The following TM7SF2 variants were observed in gnomAD, a reference collection of about 807,000 sequenced individuals.
TM7SF2 encodes the protein delta(14)-sterol reductase TM7SF2.
A neutral mutation model predicts 51.0 loss-of-function variants in TM7SF2; 51 were observed. The ratio of observed to expected loss-of-function variants is 1.00; its 90% confidence interval spans 0.80 to 1.26. TM7SF2 has a LOEUF of 1.26. TM7SF2 is among the 50% of genes most tolerant of loss of function. TM7SF2 has a pLI of 0.00. For missense variants in TM7SF2, 541 were observed against 547.4 expected (o/e 0.99, Z 0.12); for synonymous variants, 255 against 241.0 (o/e 1.06, Z -0.54).
At chr11:65,115,763 G>A (rs1374272300) in intron 9 of TM7SF2, 130 bp from the exon 10 acceptor site, 4 of 1,569,856 alleles carry the variant, frequency 2.5e-6, no homozygotes, top group South Asian at 1.1e-5. Flanking sequence ...AGTACCGTGT[G>A]CTTTGCTGCA....
At position 65,113,583 on chromosome 11, in the gene TM7SF2, C is replaced by T. The variant is rs755657150; in HGVS notation, c.592C>T (p.Leu198Phe). 8 of 1,614,002 alleles carry T rather than the reference C, an allele frequency of 5.0e-6. No homozygotes were observed. The South Asian group carries it at 6.6e-5, about 13-fold the overall frequency. ...FKYFCELRPGLIGWVLINLAL... is the reference protein window; with the variant it reads ...FKYFCELRPGFIGWVLINLAL... ...ATATTTCTGTGAACTGCGACCCGGC[C>T]TCATCGGCTGGGTATGTTGGGCTTG... Residue 198 changes from leucine (L) to phenylalanine (F), a missense_variant, in exon 5 of 10, where the codon CTC (leucine) becomes TTC (phenylalanine). Physicochemically the swap from Leu to Phe is conservative, Grantham distance 22. Coordinates refer to ENST00000279263, the MANE Select transcript of TM7SF2 (RefSeq NM_003273.6).
Position 65,112,704 on chromosome 11 carries a change from C to G in TM7SF2, c.242C>G (p.Ala81Gly), listed in dbSNP as rs544392611. The change falls in exon 2 of 10, where the codon GCG (alanine) becomes GGG (glycine). Residue 81 changes from alanine (A) to glycine (G), a missense_variant. By Grantham distance (60) the Ala-to-Gly change is moderately conservative. Coordinates refer to ENST00000279263, the MANE Select transcript of TM7SF2 (RefSeq NM_003273.6). ...GLQAALYLLP[A>G]RKVAEGQELK... is the part of the protein sequence containing the mutation. ...CAGGCGGCGCTCTACCTACTGCCGG[C>G]GCGCAAGGTGCGGGCCCCGCTCGCG... 2 of 1,544,976 alleles carry G rather than the reference C, an allele frequency of 1.3e-6. No individual in the cohort carries two copies. The highest frequency in any genetic ancestry group is 2.4e-5 in the South Asian group (2 of 83,772).
At chr11:65,112,105 A>C in intron 1 of TM7SF2, 38 bp downstream of exon 1, 2 of 1,572,662 alleles carry the variant, frequency 1.3e-6, no homozygotes, top group Non-Finnish European at 1.7e-6. Context: ...GGCAAAGGCT[A>C]AGCGAAGGAG....
chr11:65,113,023 G>C, intron 3 of TM7SF2, 158 bp downstream of exon 3: 1 of 1,071,482 alleles, frequency 9.3e-7, no homozygotes, highest in South Asian at 1.6e-5. Context: ...TATGCCCCTC[G>C]TCCCCACAGC....
At chr11:65,112,170 G>A in intron 1 of TM7SF2, 103 bp downstream of exon 1, 1 of 1,262,844 alleles carries the variant, frequency 7.9e-7, no homozygotes, top group Non-Finnish European at 1.1e-6. Flanking sequence ...GAAGGCTTTG[G>A]GGGTGTCGGA....
Position 65,115,605 on chromosome 11 carries a change from G to A in TM7SF2, c.1096+7G>A, listed in dbSNP as rs369303488. On this transcript the variant is annotated splice_region_variant and intron_variant, in intron 9 of 9. Transcript: ENST00000279263. ...GCTTGGTCCTTGCCCTGCGGTGAGTGGCCCATGTGGATATGGGTAGGGACA... is the reference window on the plus strand; with the variant it reads ...GCTTGGTCCTTGCCCTGCGGTGAGTAGCCCATGTGGATATGGGTAGGGACA... The A allele has an allele frequency of 3.3e-4, 538 of 1,613,752 alleles. No individual in the cohort carries two copies. Among genetic ancestry groups the A allele is most frequent in the Non-Finnish European group, 4.4e-4 (524 of 1,179,920 alleles).
Position 65,112,585 on chromosome 11 carries a change from C to G in TM7SF2, c.123C>G (p.Pro41=), listed in dbSNP as rs1458302740. 4 of 1,518,980 alleles carry G rather than the reference C, an allele frequency of 2.6e-6. No individual in the cohort carries two copies. The South Asian group carries it at 3.6e-5, about 14-fold the overall frequency. The allele number at this position is 1,518,980 out of a possible 1,614,324, so 94.1% of individuals were successfully genotyped here. A position where few individuals can be genotyped will look rare whatever the true frequency, so the allele number is the denominator to read the frequency against. The change falls in exon 2 of 10, where the codon CCC becomes CCG. Residue 41 remains proline, a synonymous_variant. Coordinates refer to ENST00000279263, the MANE Select transcript of TM7SF2 (RefSeq NM_003273.6). The part of the protein sequence containing the change: ...FHLLLAARSG[P]ARLLGPPASL... Reference sequence around the variant, plus strand: ...TGCTCCTGGCGGCCCGTTCGGGCCCCGCGCGCCTGCTGGGTCCACCCGCGT... The same window carrying G: ...TGCTCCTGGCGGCCCGTTCGGGCCCGGCGCGCCTGCTGGGTCCACCCGCGT...
chr11:65,113,962 T>G (rs1465917041), intron 5 of TM7SF2, among the ~76,000 whole-genome samples: 1 of 152,182 alleles, frequency 6.6e-6, no homozygotes, highest in African/African-American at 2.4e-5. Flanking sequence ...GTGCAGAACC[T>G]GAAATTGATC....
Position 65,112,047 on chromosome 11 carries a change from T to G in TM7SF2, c.32T>G (p.Leu11Arg). Residue 11 changes from leucine (L) to arginine (R), a missense_variant, in exon 1 of 10, where the codon CTG (leucine) becomes CGG (arginine). By Grantham distance (102) the Leu-to-Arg change is moderately radical. Transcript: ENST00000279263. The stretch of plus-strand genomic sequence containing the variant: ...CCCACTCAGGGCCCCCGGGCCCCGC[T>G]GGAATTCGGAGGGCCCCTGGGTAAT... MAPTQGPRAPLEFGGPLGAAA... is the reference protein window; with the variant it reads MAPTQGPRAPREFGGPLGAAA... The G allele has an allele frequency of 6.3e-7, 1 of 1,596,428 alleles. No homozygotes were observed. Among genetic ancestry groups the G allele is most frequent in the Non-Finnish European group, 8.5e-7 (1 of 1,173,490 alleles).
rs1947981709 is a variant in TM7SF2 at position 65,116,123 on chromosome 11, C to T, written c.*70C>T. On this transcript the variant is annotated 3_prime_UTR_variant, in exon 10 of 10. Coordinates refer to ENST00000279263, the MANE Select transcript of TM7SF2 (RefSeq NM_003273.6). ...CCAGCACACCCAGGACCAGGAGCCT[C>T]GACACACTTGGGACTCAAGGGCTTG... The T allele has an allele frequency of 1.3e-6, 2 of 1,545,544 alleles. No individual in the cohort carries two copies. The highest frequency in any genetic ancestry group is 4.6e-5 in the East Asian group (2 of 43,284).
At position 65,112,604 on chromosome 11, in the gene TM7SF2, C is replaced by T. The variant is rs1471658328; in HGVS notation, c.142C>T (p.Pro48Ser). ...RSGPARLLGP[P>S]ASLPGLEVLW... Reference sequence around the variant, plus strand: ...GGGCCCCGCGCGCCTGCTGGGTCCACCCGCGTCCCTGCCGGGGCTGGAGGT... The same window carrying T: ...GGGCCCCGCGCGCCTGCTGGGTCCATCCGCGTCCCTGCCGGGGCTGGAGGT... Residue 48 changes from proline (P) to serine (S), a missense_variant, in exon 2 of 10, where the codon CCC becomes TCC. Physicochemically the swap from Pro to Ser is moderately conservative, Grantham distance 74. Coordinates refer to ENST00000279263, the MANE Select transcript of TM7SF2 (RefSeq NM_003273.6). The T allele has an allele frequency of 6.6e-7, 1 of 1,519,288 alleles. No individual in the cohort carries two copies. Among genetic ancestry groups the T allele is most frequent in the Non-Finnish European group, 8.8e-7 (1 of 1,139,576 alleles). The allele number at this position is 1,519,288 out of a possible 1,614,324, so 94.1% of individuals were successfully genotyped here.
chr11:65,111,990 CCTCT>C lies in TM7SF2; in HGVS notation c.-20_-17del, dbSNP rs879716637. ...TTCCTTGACTGACTATTGTGAGCGC[CCTCT>C]CTCTCCGGCGGAGCGGAGACCATGG... On this transcript the variant is annotated 5_prime_UTR_variant, in exon 1 of 10. Transcript: ENST00000279263. 7.6e-6 allele frequency: 12 copies of C among 1,571,728 alleles called. No homozygotes were observed. The highest frequency in any genetic ancestry group is 7.6e-5 in the Admixed American group (4 of 52,406).
intron 5 of TM7SF2, 54 bp downstream of exon 5, chr11:65,113,648 T>C: frequency 6.7e-7 from 1 of 1,489,356 alleles, no homozygotes; most frequent in Non-Finnish European, 9.3e-7. Context: ...TTAGGGTGGG[T>C]GAGCAGCGCT....
At chr11:65,112,745 G>T in intron 2 of TM7SF2, 34 bp downstream of exon 2, 1 of 1,549,276 alleles carries the variant, frequency 6.5e-7, no homozygotes. Flanking sequence ...TCGGGGGAGG[G>T]AAGCGAATGG....
At chr11:65,115,248 A>C (rs1217177263) in intron 7 of TM7SF2, 66 bp from the exon 8 acceptor site, 1 of 1,599,918 alleles carries the variant, frequency 6.3e-7, no homozygotes, top group Non-Finnish European at 8.6e-7. Context: ...AGTTGGGCAG[A>C]TGTTCGGGGT....
In TM7SF2 at chr11:65,114,844, C is replaced by A; in HGVS notation, c.723+12C>A. On this transcript the variant is annotated intron_variant, in intron 6 of 9. Transcript: ENST00000279263. ...CCCTCTGGCACGAGGTGAGGCTGGA[C>A]TGGACGAGGGTGGGTGTCTGAGGGC... 1 of 1,614,212 alleles carries A rather than the reference C, an allele frequency of 6.2e-7. No homozygotes were observed. The highest frequency in any genetic ancestry group is 2.2e-5 in the East Asian group (1 of 44,880).
At chr11:65,113,764 A>G (rs1339128173) in intron 5 of TM7SF2, 170 bp downstream of exon 5, 1 of 642,004 alleles carries the variant, frequency 1.6e-6, no homozygotes, top group African/African-American at 1.8e-5. Context: ...GACAAAAATA[A>G]AGTTAGAGGC....
In TM7SF2 at chr11:65,111,920, TC is replaced by T; in HGVS notation, c.-94del. On this transcript the variant is annotated 5_prime_UTR_variant, in exon 1 of 10. Transcript: ENST00000279263. ...GTGCAGGCGCCGCGGGGCCGGATCC[TC>T]CGCGCGGCCGAGTCCATCTCCTGGG... 1 of 1,371,068 alleles carries T rather than the reference TC, an allele frequency of 7.3e-7. No homozygotes were observed. Among genetic ancestry groups the T allele is most frequent in the South Asian group, 1.2e-5 (1 of 80,290 alleles). The allele number at this position is 1,371,068 out of a possible 1,614,324, so 84.9% of individuals were successfully genotyped here. A position where few individuals can be genotyped will look rare whatever the true frequency, so the allele number is the denominator to read the frequency against.
Position 65,116,159 on chromosome 11 carries a change from A to G in TM7SF2, c.*106A>G. The G allele has an allele frequency of 7.1e-7, 1 of 1,406,274 alleles. No homozygotes were observed. Among genetic ancestry groups the G allele is most frequent in the Non-Finnish European group, 9.5e-7 (1 of 1,051,576 alleles). 87.1% of individuals were successfully genotyped at this position (1,406,274 alleles called of 1,614,324 possible). On this transcript the variant is annotated 3_prime_UTR_variant, in exon 10 of 10. Transcript: ENST00000279263. ...GGACTCAAGGGCTTGCACCCCACCC[A>G]GCCCTGAGGATGAACAACCTCAGAG... is the stretch of plus-strand genomic sequence containing the variant.
Sources: gnomAD v4.1 joint callset for allele counts (sites outside exome capture counted in the v4.1 genomes callset) on GRCh38, gnomAD v4.1.1 for gene constraint, MANE v1.5 for transcripts, NCBI Gene and HGNC (gene_info 2026-07-23, HGNC 2026-07-21) for gene names.